Variants in GRXCR2 observed in about 807,000 individuals in gnomAD.
GRXCR2 encodes glutaredoxin and cysteine rich domain containing 2, also known as glutaredoxin domain-containing cysteine-rich protein 2.
In GRXCR2, 23 loss-of-function variants were observed where a neutral mutation model predicts 24.8. The observed-to-expected ratio is 0.93, with a 90% CI of 0.67 to 1.32. The LOEUF (loss-of-function observed/expected upper bound fraction) is 1.32, where lower values mean the gene tolerates loss of function less well. GRXCR2 is among the 40% of genes most tolerant of loss of function. GRXCR2 has a pLI of 0.00. For synonymous variants in GRXCR2, 130 were observed against 116.1 expected (o/e 1.12, Z -0.77); for missense variants, 315 against 303.4 (o/e 1.04, Z -0.28).
chr5:145,864,391 C>T (rs148103470), intron 2 of GRXCR2, among the ~76,000 whole-genome samples: 4 of 152,078 alleles, frequency 2.6e-5, no homozygotes, highest in Admixed American at 2.0e-4. Flanking sequence ...AAGGAGTTTG[C>T]GGTTTTATCC....
At chr5:145,860,004 G>A (rs1756307402) in intron 2 of GRXCR2, 89 bp from the exon 3 acceptor site, 1 of 1,091,070 alleles carries the variant, frequency 9.2e-7, no homozygotes. Flanking sequence ...CTACAGCAAA[G>A]GCTGGGGCAG....
chr5:145,874,472 G>A (rs1191465151), upstream of GRXCR2, among the ~76,000 whole-genome samples: 2 of 152,106 alleles, frequency 1.3e-5, no homozygotes, highest in African/African-American at 2.4e-5. Context: ...AAAGTGCTGG[G>A]ACTACAGGCA....
At chr5:145,895,153 C>G (rs1434613883) in intron 2 of GRXCR2, among the ~76,000 whole-genome samples, 1 of 151,946 alleles carries the variant, frequency 6.6e-6, no homozygotes, top group Non-Finnish European at 1.5e-5. Flanking sequence ...TAAGAGCTAT[C>G]TATGACAAAC....
intron 2 of GRXCR2, among the ~76,000 whole-genome samples, chr5:145,889,226 A>AAGAAAGAG (rs1425008391): frequency 6.6e-6 from 1 of 151,416 alleles, no homozygotes; most frequent in Non-Finnish European, 1.5e-5. Flanking sequence ...GAAAGAAAGA[A>AAGAAAGAG]AGAAAGAAAG....
intron 2 of GRXCR2, among the ~76,000 whole-genome samples, chr5:145,900,716 T>G (rs1433225998): frequency 6.6e-6 from 1 of 152,206 alleles, no homozygotes; most frequent in African/African-American, 2.4e-5. Context: ...TCAGCCACTG[T>G]GGAAAGCAGT....
At position 145,869,304 on chromosome 5, in the gene GRXCR2, T is replaced by C. The variant is rs141344891; in HGVS notation, c.337-2576A>G. ...TGTGAAGATGAAATTATGCAATATG[T>C]ATAAAGTAGGTGTTCAGTAAATGTT... On this transcript the variant is annotated intron_variant, in intron 1 of 2. Transcript: ENST00000377976. Among the ~76,000 whole-genome samples the C allele has an allele frequency of 6.2e-3, 937 of 152,356 alleles. 9 individuals carry two copies. Among genetic ancestry groups the C allele is most frequent in the African/African-American group, 0.021 (886 of 41,580 alleles).
chr5:145,889,172 A>AAAAAAAAAAAAGAAAGAAAG (rs757883920), intron 2 of GRXCR2, among the ~76,000 whole-genome samples: 1 of 83,984 alleles, frequency 1.2e-5, no homozygotes, highest in African/African-American at 4.7e-5. Flanking sequence ...CTGTCTCAAA[A>AAAAAAAAAAAAGAAAGAAAG]AAAGAAAGAA....
At chr5:145,870,283 G>A (rs434591) in intron 1 of GRXCR2, among the ~76,000 whole-genome samples, 1 of 151,890 alleles carries the variant, frequency 6.6e-6, no homozygotes, top group Non-Finnish European at 1.5e-5. Flanking sequence ...CTTGCTGTCT[G>A]TATGATTTTG....
intron 2 of GRXCR2, among the ~76,000 whole-genome samples, chr5:145,923,342 G>A (rs780810305): frequency 3.3e-5 from 5 of 152,054 alleles, no homozygotes; most frequent in Non-Finnish European, 4.4e-5. Flanking sequence ...CAATGAGCCT[G>A]CAAGAAAAAA....
chr5:145,876,734 A>G (rs1198344244), upstream of GRXCR2, among the ~76,000 whole-genome samples: 1 of 152,182 alleles, frequency 6.6e-6, no homozygotes, highest in African/African-American at 2.4e-5. Flanking sequence ...GAGCCAACCT[A>G]AAATCATGGG....
At chr5:145,886,661 GC>G (rs902808275) in intron 2 of GRXCR2, among the ~76,000 whole-genome samples, 4 of 152,022 alleles carry the variant, frequency 2.6e-5, no homozygotes, top group East Asian at 3.8e-4. Flanking sequence ...CTGAAAAATG[GC>G]CCTGAGTTTT....
chr5:145,859,697 A>C lies in GRXCR2; in HGVS notation c.*36T>G. On this transcript the variant is annotated 3_prime_UTR_variant, in exon 3 of 3. Transcript: ENST00000377976. ...CGGTTTATTAGAAATAACTTTAGGG[A>C]GGGTAAGATAACAGTGGACATGCAA... 6.2e-7 allele frequency: 1 copy of C among 1,601,178 alleles called. No homozygotes were observed. Among genetic ancestry groups the C allele is most frequent in the Non-Finnish European group, 8.6e-7 (1 of 1,168,482 alleles).
chr5:145,880,273 G>A (rs1234782047), intron 2 of GRXCR2, among the ~76,000 whole-genome samples: 1 of 151,908 alleles, frequency 6.6e-6, no homozygotes, highest in East Asian at 1.9e-4. Context: ...TTTTCGAAAA[G>A]ATCAACAAAA....
chr5:145,916,469 C>G (rs1460065516), intron 2 of GRXCR2, among the ~76,000 whole-genome samples: 1 of 145,052 alleles, frequency 6.9e-6, no homozygotes, highest in African/African-American at 2.4e-5. Context: ...TTTTCTCCAC[C>G]AGGCCCCAGG....
intron 2 of GRXCR2, among the ~76,000 whole-genome samples, chr5:145,891,712 G>T (rs1030833121): frequency 7.2e-5 from 11 of 152,198 alleles, no homozygotes; most frequent in East Asian, 3.9e-4. Flanking sequence ...TGGGGGCAGG[G>T]CATAGCCAAA....
At chr5:145,904,877 C>G (rs770526933) in intron 2 of GRXCR2, among the ~76,000 whole-genome samples, 1 of 152,180 alleles carries the variant, frequency 6.6e-6, no homozygotes, top group Non-Finnish European at 1.5e-5. Context: ...TTAACTGGGG[C>G]TCTTGAAGGG....
At position 145,872,958 on chromosome 5, in the gene GRXCR2, G is replaced by T; in HGVS notation, c.11C>A (p.Pro4His). Residue 4 changes from proline (P) to histidine (H), a missense_variant, in exon 1 of 3, where the codon CCT becomes CAT. Coordinates refer to ENST00000377976, the MANE Select transcript of GRXCR2 (RefSeq NM_001080516.2). MED[P>H]EKKLNQKSDG... ...ACTCTTCTGATTCAGCTTTTTCTCAGGGTCCTCCATCAGCAGAAAGTTGAC... is the reference window on the plus strand; with the variant it reads ...ACTCTTCTGATTCAGCTTTTTCTCATGGTCCTCCATCAGCAGAAAGTTGAC... 6.2e-7 allele frequency: 1 copy of T among 1,613,920 alleles called. No homozygotes were observed. The highest frequency in any genetic ancestry group is 8.5e-7 in the Non-Finnish European group (1 of 1,179,806).
intron 2 of GRXCR2, among the ~76,000 whole-genome samples, chr5:145,903,074 C>G (rs939338484): frequency 1.3e-5 from 2 of 152,164 alleles, no homozygotes; most frequent in Non-Finnish European, 2.9e-5. Flanking sequence ...TAAATACTTT[C>G]AGTTGCATTG....
intron 2 of GRXCR2, among the ~76,000 whole-genome samples, chr5:145,904,338 G>T (rs185716261): frequency 1.3e-5 from 2 of 152,330 alleles, no homozygotes; most frequent in Admixed American, 1.3e-4. Context: ...CCCGGATCTG[G>T]CCTGATGGTT....
Sources: gnomAD v4.1 joint callset for allele counts (sites outside exome capture counted in the v4.1 genomes callset) on GRCh38, gnomAD v4.1.1 for gene constraint, MANE v1.5 for transcripts, NCBI Gene and HGNC (gene_info 2026-07-23, HGNC 2026-07-21) for gene names.